DLEU7: variants seen among roughly 807,000 people sequenced by gnomAD.
The protein encoded by DLEU7 is leukemia-associated protein 7.
In DLEU7, 17 loss-of-function variants were observed where a neutral mutation model predicts 16.0. That is an observed-to-expected ratio of 1.06 (90% CI 0.73 to 1.59). The LOEUF is 1.59. Ranked by LOEUF, DLEU7 falls within the 40% of genes most tolerant of loss-of-function variation. The pLI, the probability that DLEU7 is intolerant of heterozygous loss-of-function variation, is 0.00. For synonymous variants in DLEU7, 113 were observed against 139.8 expected, an observed-to-expected ratio of 0.81 and a Z score of 1.35; for missense variants, 308 against 314.9, an observed-to-expected ratio of 0.98 and a Z score of 0.17.
At chr13:50,816,433 T>TA (rs1305179622) in intron 1 of DLEU7, among the ~76,000 whole-genome samples, 12 of 151,986 alleles carry the variant, frequency 7.9e-5, no homozygotes, top group Non-Finnish European at 1.8e-4. Context: ...AGGGAATATA[T>TA]AAAAAATGGA....
intron 1 of DLEU7, among the ~76,000 whole-genome samples, chr13:50,739,921 A>C (rs1874202737): frequency 6.7e-6 from 1 of 150,308 alleles, no homozygotes; most frequent in African/African-American, 2.4e-5. Context: ...AGATGCCTAG[A>C]TTTTTTTTTT....
At chr13:50,724,828 G>A (rs1873722864) in intron 1 of DLEU7, among the ~76,000 whole-genome samples, 2 of 152,118 alleles carry the variant, frequency 1.3e-5, no homozygotes, top group Admixed American at 6.5e-5. Flanking sequence ...GTCACTGGTT[G>A]CCACACTAAA....
Position 50,772,069 on chromosome 13 carries a change from A to G in DLEU7, c.460-58829T>C, listed in dbSNP as rs538884094. On this transcript the variant is annotated intron_variant, in intron 1 of 1. Transcript: ENST00000400393. ...TTGTTGGTTTAAAGTCTGTTTTATCAGAGACTAGGATTGCAACCCCTGCTT... is the reference window on the plus strand; with the variant it reads ...TTGTTGGTTTAAAGTCTGTTTTATCGGAGACTAGGATTGCAACCCCTGCTT... Among the ~76,000 whole-genome samples, 178 of 152,234 alleles carry G rather than the reference A, an allele frequency of 1.2e-3. 2 individuals are homozygous for G. Among genetic ancestry groups the G allele is most frequent in the Non-Finnish European group, 2.1e-3 (145 of 68,018 alleles).
chr13:50,826,552 GAAC>G (rs1399555321), intron 1 of DLEU7, among the ~76,000 whole-genome samples: 1 of 152,152 alleles, frequency 6.6e-6, no homozygotes, highest in African/African-American at 2.4e-5. Context: ...ATGAGAAGTT[GAAC>G]AACATGGATG....
At chr13:50,784,971 AT>A (rs1875759771) in intron 1 of DLEU7, among the ~76,000 whole-genome samples, 1 of 152,104 alleles carries the variant, frequency 6.6e-6, no homozygotes, top group South Asian at 2.1e-4. Flanking sequence ...ATTTAACATA[AT>A]TGGGCTTTTA....
At chr13:50,712,970 A>T (rs1873337297) in exon 2 of DLEU7, 2 of 496,166 alleles carry the variant, frequency 4.0e-6, no homozygotes, top group Non-Finnish European at 7.2e-6. Flanking sequence ...TGACAGGATT[A>T]CTTGGAGGTG....
chr13:50,780,591 G>A (rs1424850683), intron 1 of DLEU7, among the ~76,000 whole-genome samples: 3 of 152,216 alleles, frequency 2.0e-5, no homozygotes, highest in African/African-American at 7.2e-5. Flanking sequence ...TGAGAATGCA[G>A]TCATTTGCCT....
At chr13:50,723,781 C>T (rs955983021) in intron 1 of DLEU7, among the ~76,000 whole-genome samples, 1 of 151,776 alleles carries the variant, frequency 6.6e-6, no homozygotes, top group African/African-American at 2.4e-5. Context: ...AGGGCTTCCA[C>T]CTATGAATCT....
At chr13:50,837,590 C>G (rs1002666770) in intron 1 of DLEU7, among the ~76,000 whole-genome samples, 4 of 152,162 alleles carry the variant, frequency 2.6e-5, no homozygotes, top group Non-Finnish European at 4.4e-5. Context: ...ATAATGAGCA[C>G]CACCTTGGCT....
chr13:50,773,290 C>T (rs1177299920), intron 1 of DLEU7, among the ~76,000 whole-genome samples: 1 of 152,222 alleles, frequency 6.6e-6, no homozygotes, highest in Non-Finnish European at 1.5e-5. Context: ...AAGTCATTCT[C>T]TATCCAGCTT....
chr13:50,773,402 G>A (rs780832546), intron 1 of DLEU7, among the ~76,000 whole-genome samples: 1 of 152,132 alleles, frequency 6.6e-6, no homozygotes, highest in South Asian at 2.1e-4. Flanking sequence ...CCATCTTTGT[G>A]GTTTTATCTA....
At chr13:50,737,000 A>G (rs531006524) in intron 1 of DLEU7, among the ~76,000 whole-genome samples, 24 of 152,324 alleles carry the variant, frequency 1.6e-4, no homozygotes, top group Admixed American at 1.5e-3. Flanking sequence ...ATGTTTCAGG[A>G]TAATTTTCCA....
chr13:50,768,734 G>T (rs1367194922), intron 1 of DLEU7, among the ~76,000 whole-genome samples: 1 of 152,096 alleles, frequency 6.6e-6, no homozygotes, highest in East Asian at 1.9e-4. Flanking sequence ...GAATAGTGCC[G>T]CAATAAACAT....
chr13:50,813,690 A>G (rs1273544545), intron 1 of DLEU7, among the ~76,000 whole-genome samples: 1 of 152,152 alleles, frequency 6.6e-6, no homozygotes, highest in African/African-American at 2.4e-5. Flanking sequence ...TTTAAGCAAT[A>G]TATATATTTT....
At chr13:50,838,009 A>C (rs934806712) in intron 1 of DLEU7, among the ~76,000 whole-genome samples, 10 of 152,186 alleles carry the variant, frequency 6.6e-5, no homozygotes, top group African/African-American at 2.2e-4. Flanking sequence ...AGAAAATATA[A>C]GGAGAGAGAA....
chr13:50,791,030 G>C (rs562558241), intron 1 of DLEU7, among the ~76,000 whole-genome samples: 1 of 152,144 alleles, frequency 6.6e-6, no homozygotes, highest in South Asian at 2.1e-4. Context: ...TAAGAAGACC[G>C]AGTGGGCGAG....
At chr13:50,817,695 T>C (rs1876773542) in intron 1 of DLEU7, among the ~76,000 whole-genome samples, 1 of 152,136 alleles carries the variant, frequency 6.6e-6, no homozygotes. Context: ...GTTCTTGCAG[T>C]CCTATGTTCT....
At chr13:50,753,095 T>C (rs1369039276) in intron 1 of DLEU7, among the ~76,000 whole-genome samples, 1 of 126,578 alleles carries the variant, frequency 7.9e-6, no homozygotes, top group Non-Finnish European at 1.6e-5. Flanking sequence ...GATTGGTGCA[T>C]TCACAAACCC....
intron 1 of DLEU7, among the ~76,000 whole-genome samples, chr13:50,836,366 AAG>A (rs1877463558): frequency 1.9e-5 from 2 of 102,964 alleles, no homozygotes; most frequent in Admixed American, 1.8e-4. Context: ...GAGAAGAAGA[AAG>A]AGAGAAAAAG....
Sources: allele counts gnomAD v4.1 joint callset (sites outside exome capture counted in the v4.1 genomes callset), GRCh38; gene constraint gnomAD v4.1.1; transcripts MANE v1.5; gene names NCBI Gene and HGNC (gene_info 2026-07-23, HGNC 2026-07-21).